Variants in CCDC93 observed in about 807,000 individuals in gnomAD.
CCDC93 encodes coiled-coil domain-containing protein 93.
In CCDC93, 61 loss-of-function variants were observed where a neutral mutation model predicts 108.2. That is an observed-to-expected ratio of 0.56 (90% CI 0.46 to 0.70). The LOEUF is 0.70. Ranked by LOEUF, CCDC93 falls within the 30% of genes least tolerant of loss-of-function variation. The pLI, the probability that CCDC93 is intolerant of heterozygous loss-of-function variation, is 0.00. For missense variants in CCDC93, 685 were observed against 764.2 expected, an observed-to-expected ratio of 0.90 and a Z score of 1.22; for synonymous variants, 276 against 260.4, an observed-to-expected ratio of 1.06 and a Z score of -0.58.
intron 7 of CCDC93, among the ~76,000 whole-genome samples, chr2:117,978,900 T>C (rs577967734): frequency 3.3e-4 from 50 of 152,168 alleles, no homozygotes; most frequent in African/African-American, 1.2e-3. Flanking sequence ...CCCAGCTACT[T>C]GGGAGGCTGA....
chr2:118,013,834 C>G, intron 1 of CCDC93, 120 bp downstream of exon 1: 1 of 872,366 alleles, frequency 1.1e-6, no homozygotes, highest in Non-Finnish European at 1.7e-6. Context: ...GAGGTGGATA[C>G]GCCTGAGGAA....
At chr2:117,957,480 G>GCC (rs1679257326) in intron 12 of CCDC93, among the ~76,000 whole-genome samples, 2 of 152,042 alleles carry the variant, frequency 1.3e-5, no homozygotes, top group Non-Finnish European at 2.9e-5. Context: ...TATTGCATCA[G>GCC]CCTCCTACCT....
At chr2:117,934,718 T>G (rs985918926) in intron 22 of CCDC93, 1 of 152,210 alleles carries the variant, frequency 6.6e-6, no homozygotes, top group Non-Finnish European at 1.5e-5. Flanking sequence ...GTTTACATTC[T>G]GGCATCACTC....
intron 7 of CCDC93, chr2:117,985,388 CATCAAGGA>C: frequency 2.3e-6 from 2 of 857,308 alleles, no homozygotes; most frequent in South Asian, 1.1e-4. Flanking sequence ...GACTTACTCA[CATCAAGGA>C]ATCAGTTACC....
At chr2:117,936,522 G>C in intron 21 of CCDC93, 180 bp downstream of exon 21, 1 of 606,076 alleles carries the variant, frequency 1.6e-6, no homozygotes, top group Admixed American at 2.7e-5. Context: ...TAGTTTTGCA[G>C]GTACTCAAGG....
chr2:117,965,005 A>G (rs1260027829), intron 11 of CCDC93, among the ~76,000 whole-genome samples: 1 of 152,228 alleles, frequency 6.6e-6, no homozygotes. Context: ...CAGGAATACA[A>G]AGATAAAAAA....
In CCDC93 at chr2:117,980,423, G is replaced by T. The variant is rs573534196; in HGVS notation, c.621-2393C>A. Among the ~76,000 whole-genome samples, 182 of 152,254 alleles carry T rather than the reference G, an allele frequency of 1.2e-3. 1 individual carries two copies. Among genetic ancestry groups the T allele is most frequent in the African/African-American group, 4.2e-3 (174 of 41,540 alleles). ...AGAAGACATAAAGCCCTTTATCTAA[G>T]GCCCAGGGACTTCACGGATTTTCCA... is the stretch of plus-strand genomic sequence containing the variant. On this transcript the variant is annotated intron_variant, in intron 7 of 23. Transcript: ENST00000376300.
At chr2:117,996,114 C>G (rs764932480) in intron 5 of CCDC93, 150 bp downstream of exon 5, 39 of 505,630 alleles carry the variant, frequency 7.7e-5, no homozygotes, top group Admixed American at 1.7e-4. Context: ...TAGAGCTTTG[C>G]ACTCAGTGGC....
chr2:117,959,409 A>G (rs902414974), intron 11 of CCDC93, among the ~76,000 whole-genome samples: 1 of 152,234 alleles, frequency 6.6e-6, no homozygotes, highest in Non-Finnish European at 1.5e-5. Flanking sequence ...CAAGCTAATC[A>G]TTGATTCTAA....
At chr2:117,992,576 C>T (rs186198188) in intron 6 of CCDC93, among the ~76,000 whole-genome samples, 172 of 152,216 alleles carry the variant, frequency 1.1e-3, no homozygotes, top group African/African-American at 4.0e-3. Context: ...ATTTTCTCAT[C>T]AGCTGCGAAC....
chr2:117,945,473 A>G (rs372960755), intron 17 of CCDC93, 56 bp downstream of exon 17: 15 of 1,454,000 alleles, frequency 1.0e-5, no homozygotes, highest in African/African-American at 9.8e-5. Context: ...GGAGAGTGGA[A>G]AGCTGGCCGC....
At chr2:117,927,500 C>A (rs953245932) in intron 23 of CCDC93, among the ~76,000 whole-genome samples, 40 of 152,230 alleles carry the variant, frequency 2.6e-4, no homozygotes, top group Middle Eastern at 3.4e-3. Context: ...CATGAGTGAA[C>A]TCCCACTCAC....
intron 3 of CCDC93, among the ~76,000 whole-genome samples, chr2:118,002,578 A>C (rs1183963813): frequency 6.6e-6 from 1 of 152,220 alleles, no homozygotes; most frequent in Admixed American, 6.5e-5. Context: ...ATGTGTTAAT[A>C]GAAAAAAATA....
chr2:117,973,040 C>T (rs1439138223), intron 11 of CCDC93, among the ~76,000 whole-genome samples: 1 of 152,138 alleles, frequency 6.6e-6, no homozygotes, highest in East Asian at 1.9e-4. Flanking sequence ...CCACGGATGG[C>T]AGCACTAGGC....
intron 23 of CCDC93, among the ~76,000 whole-genome samples, chr2:117,920,769 A>C (rs1677833981): frequency 6.6e-6 from 1 of 152,190 alleles, no homozygotes; most frequent in Non-Finnish European, 1.5e-5. Context: ...CAGCAGCCTA[A>C]AAAGAGATAA....
chr2:117,935,708 T>C (rs901152138), intron 21 of CCDC93, 129 bp from the exon 22 acceptor site: 2 of 566,672 alleles, frequency 3.5e-6, no homozygotes, highest in Admixed American at 3.4e-5. Flanking sequence ...TAACGCACAG[T>C]GGAGCCACGG....
At chr2:117,943,949 C>T in intron 18 of CCDC93, 75 bp downstream of exon 18, 1 of 1,006,646 alleles carries the variant, frequency 9.9e-7, no homozygotes, top group Non-Finnish European at 1.5e-6. Flanking sequence ...GATATTGAGA[C>T]TTTCTAGTTA....
intron 22 of CCDC93, chr2:117,931,585 T>C (rs1678333479): frequency 6.4e-6 from 1 of 155,426 alleles, no homozygotes; most frequent in Non-Finnish European, 1.4e-5. Context: ...AAGAATTATC[T>C]AGCCCGAAAT....
intron 6 of CCDC93, among the ~76,000 whole-genome samples, chr2:117,994,467 T>A (rs1680580918): frequency 6.6e-6 from 1 of 152,228 alleles, no homozygotes; most frequent in Admixed American, 6.5e-5. Context: ...GTGATCAAGA[T>A]TTTTTGTTTC....
Sources: allele counts gnomAD v4.1 joint callset (sites outside exome capture counted in the v4.1 genomes callset), GRCh38; gene constraint gnomAD v4.1.1; transcripts MANE v1.5; gene names NCBI Gene and HGNC (gene_info 2026-07-23, HGNC 2026-07-21).